The following BMAL1 variants were observed in gnomAD, a reference collection of about 807,000 sequenced individuals.
BMAL1 encodes the protein basic helix-loop-helix ARNT like 1, also known as basic helix-loop-helix ARNT-like protein 1.
chr11:13,335,205 G>A, the BMAL1 span, among the ~76,000 whole-genome samples: 1 of 152,170 alleles, frequency 6.6e-6, no homozygotes, highest in South Asian at 2.1e-4. Context: ...TTGACAGGAG[G>A]ATTAGATGAG....
At chr11:13,373,663 T>C in the BMAL1 span, among the ~76,000 whole-genome samples, 1 of 152,146 alleles carries the variant, frequency 6.6e-6, no homozygotes, top group Non-Finnish European at 1.5e-5. Flanking sequence ...TGTGCCACCA[T>C]ACCCAGCTCA....
the BMAL1 span, chr11:13,386,802 A>G: frequency 6.3e-7 from 1 of 1,594,636 alleles, no homozygotes; most frequent in Non-Finnish European, 8.6e-7. Flanking sequence ...AAAGTGCATT[A>G]CTGGTGGAGT....
chr11:13,305,433 T>G, the BMAL1 span, among the ~76,000 whole-genome samples: 2 of 152,218 alleles, frequency 1.3e-5, no homozygotes, highest in African/African-American at 4.8e-5. Flanking sequence ...TCCAATTGAT[T>G]TTTTTGTTTT....
chr11:13,325,681 G>C, the BMAL1 span, among the ~76,000 whole-genome samples: 1 of 151,442 alleles, frequency 6.6e-6, no homozygotes, highest in Admixed American at 6.6e-5. Flanking sequence ...GTGTGTGTGT[G>C]TGTGTGTGTG....
chr11:13,295,073 C>G, the BMAL1 span, among the ~76,000 whole-genome samples: 3 of 152,218 alleles, frequency 2.0e-5, no homozygotes, highest in Admixed American at 6.5e-5. Flanking sequence ...GCTGGCCGAG[C>G]TTCCCTGGGG....
At chr11:13,372,496 T>C in the BMAL1 span, 2 of 1,547,348 alleles carry the variant, frequency 1.3e-6, no homozygotes, top group Non-Finnish European at 1.7e-6. Context: ...GGCCATCAGC[T>C]GGCTTTTCTA....
the BMAL1 span, among the ~76,000 whole-genome samples, chr11:13,291,025 C>A: frequency 6.6e-6 from 1 of 152,140 alleles, no homozygotes. Context: ...GTGGTGAATG[C>A]AGCAGAAAGA....
chr11:13,281,310 T>G, the BMAL1 span, among the ~76,000 whole-genome samples: 1 of 152,152 alleles, frequency 6.6e-6, no homozygotes, highest in African/African-American at 2.4e-5. Context: ...CTTGGTACCC[T>G]GGGTTCGTAA....
At chr11:13,326,155 T>C in the BMAL1 span, among the ~76,000 whole-genome samples, 1 of 150,598 alleles carries the variant, frequency 6.6e-6, no homozygotes, top group African/African-American at 2.4e-5. Context: ...GTTGAGCCGA[T>C]ATCATGCCAC....
chr11:13,384,483 C>T, the BMAL1 span, among the ~76,000 whole-genome samples: 4 of 152,170 alleles, frequency 2.6e-5, no homozygotes, highest in African/African-American at 9.7e-5. Context: ...GTTTCAGATT[C>T]CACATTGCAA....
the BMAL1 span, chr11:13,357,024 G>GT: frequency 6.2e-7 from 1 of 1,614,128 alleles, no homozygotes; most frequent in Admixed American, 1.7e-5. This position sits in a 1 kb window ranked among gnomAD's most constrained non-coding sequence, Gnocchi z 4.8. Flanking sequence ...AGAGAATTAT[G>GT]TTTTTATCTT....
the BMAL1 span, among the ~76,000 whole-genome samples, chr11:13,300,534 G>T: frequency 0.01 from 1,568 of 152,308 alleles, 19 homozygotes; most frequent in Middle Eastern, 0.024. Context: ...TGACTTGTTT[G>T]TTCCTGAGTG....
At chr11:13,339,430 T>TACACACACACACACACAC in the BMAL1 span, among the ~76,000 whole-genome samples, 2,469 of 144,218 alleles carry the variant, frequency 0.017, 78 homozygotes, top group African/African-American at 0.06. Flanking sequence ...GCCCTGCTTT[T>TACACACACACACACACAC]ACACACACAC....
the BMAL1 span, among the ~76,000 whole-genome samples, chr11:13,369,970 T>A: frequency 1.3e-5 from 2 of 152,312 alleles, no homozygotes; most frequent in Admixed American, 1.3e-4. Flanking sequence ...TGGCAGAGAT[T>A]TGTGGAGAGG....
the BMAL1 span, among the ~76,000 whole-genome samples, chr11:13,288,243 G>C: frequency 6.6e-6 from 1 of 152,228 alleles, no homozygotes; most frequent in African/African-American, 2.4e-5. Flanking sequence ...AGCCATTTTA[G>C]ACACCTAGTG....
At chr11:13,359,020 G>A in the BMAL1 span, among the ~76,000 whole-genome samples, 3 of 152,360 alleles carry the variant, frequency 2.0e-5, no homozygotes, top group Admixed American at 6.5e-5. Flanking sequence ...CCTTTGAAAA[G>A]TGAGTCATGG....
the BMAL1 span, among the ~76,000 whole-genome samples, chr11:13,329,676 C>T: frequency 9.9e-4 from 151 of 152,318 alleles, 3 homozygotes; most frequent in African/African-American, 3.0e-3. Context: ...GTTGAGGCTG[C>T]GTGGAAGCCC....
At chr11:13,330,378 C>G in the BMAL1 span, among the ~76,000 whole-genome samples, 1 of 152,152 alleles carries the variant, frequency 6.6e-6, no homozygotes, top group Non-Finnish European at 1.5e-5. Flanking sequence ...GGCTGAAAAG[C>G]CACTAAAATC....
At chr11:13,288,393 T>TTC in the BMAL1 span, among the ~76,000 whole-genome samples, 1 of 20,478 alleles carries the variant, frequency 4.9e-5, no homozygotes, top group East Asian at 6.3e-3. Flanking sequence ...GGGATTTTCT[T>TTC]TTTTCTTTCT....
Sources: gnomAD v4.1 joint callset for allele counts (sites outside exome capture counted in the v4.1 genomes callset) on GRCh38, gnomAD v4.1.1 for gene constraint, Gnocchi (gnomAD v3.1) non-coding constraint, MANE v1.5 for transcripts, NCBI Gene and HGNC (gene_info 2026-07-23, HGNC 2026-07-21) for gene names.